The following DPY19L2 variants were observed in gnomAD, a reference collection of about 807,000 sequenced individuals.
DPY19L2 encodes probable C-mannosyltransferase DPY19L2.
DPY19L2 carries 34 observed loss-of-function variants against 97.9 expected under a neutral mutation model. The ratio of observed to expected loss-of-function variants is 0.35; its 90% CI spans 0.26 to 0.46. The LOEUF (loss-of-function observed/expected upper bound fraction) is 0.46, where lower values mean the gene tolerates loss of function less well. Among genes scored for constraint, DPY19L2 ranks in the 20% least tolerant of loss-of-function variants. The probability of loss-of-function intolerance (pLI) is 1.00; values close to 1 mark genes in which losing one functional copy is unlikely to be tolerated. For missense variants in DPY19L2, 623 were observed against 911.4 expected (o/e 0.68, Z 4.07); for synonymous variants, 230 against 307.9 (o/e 0.75, Z 2.65).
At chr12:63,585,999 T>C (rs1293400681) in intron 16 of DPY19L2, among the ~76,000 whole-genome samples, 1 of 152,142 alleles carries the variant, frequency 6.6e-6, no homozygotes, top group Non-Finnish European at 1.5e-5. Flanking sequence ...AGTGATGATA[T>C]TCTCTGAGAA....
At chr12:63,593,648 G>A (rs1021519875) in intron 16 of DPY19L2, among the ~76,000 whole-genome samples, 5 of 152,084 alleles carry the variant, frequency 3.3e-5, no homozygotes, top group African/African-American at 1.2e-4. Context: ...TGTGGGGTAG[G>A]GGGAGAGGGG....
At chr12:63,592,481 G>A (rs1328071143) in intron 16 of DPY19L2, among the ~76,000 whole-genome samples, 3 of 148,124 alleles carry the variant, frequency 2.0e-5, no homozygotes, top group African/African-American at 5.0e-5. Context: ...CAGAAATAAC[G>A]CCGCATATCT....
In DPY19L2 at chr12:63,592,292, C is replaced by A. The variant is rs1449374049; in HGVS notation, c.1580+1795G>T. Among the ~76,000 whole-genome samples, 658 of 151,238 alleles carry A rather than the reference C, an allele frequency of 4.4e-3. 8 individuals carry two copies. The highest frequency in any genetic ancestry group is 0.014 in the African/African-American group (559 of 41,230). ...TCACAGAATTGGAAAAAACTACTTT[C>A]AAGTTCATATGGAACCAAAAAAGAG... On this transcript the variant is annotated intron_variant, in intron 16 of 21. Transcript: ENST00000324472.
intron 7 of DPY19L2, among the ~76,000 whole-genome samples, chr12:63,624,732 G>A (rs527612895): frequency 7.2e-5 from 11 of 152,228 alleles, no homozygotes; most frequent in East Asian, 3.9e-4. Context: ...ATTTTCATAC[G>A]AACTTTAAAA....
chr12:63,626,322 C>A (rs1208226762), intron 7 of DPY19L2, 147 bp downstream of exon 7: 12 of 1,056,142 alleles, frequency 1.1e-5, no homozygotes, highest in Admixed American at 3.4e-5. Flanking sequence ...AATCAACATG[C>A]TTAAAATATC....
chr12:63,626,977 C>T (rs192901519), intron 6 of DPY19L2, among the ~76,000 whole-genome samples: 94 of 152,196 alleles, frequency 6.2e-4, no homozygotes, highest in African/African-American at 2.2e-3. Flanking sequence ...CAGGGTTTTA[C>T]CATGTTGGCT....
chr12:63,614,994 G>C (rs1209371348), intron 11 of DPY19L2, among the ~76,000 whole-genome samples: 2 of 152,052 alleles, frequency 1.3e-5, no homozygotes, highest in African/African-American at 4.8e-5. Flanking sequence ...GTACACAAGA[G>C]AGACCTGGAA....
At chr12:63,569,078 G>C in intron 21 of DPY19L2, 146 bp downstream of exon 21, 1 of 837,836 alleles carries the variant, frequency 1.2e-6, no homozygotes, top group South Asian at 2.9e-5. Flanking sequence ...TATGTCTCTA[G>C]ATGAAATAAT....
At chr12:63,667,007 T>A (rs1896412282) in intron 1 of DPY19L2, among the ~76,000 whole-genome samples, 1 of 152,166 alleles carries the variant, frequency 6.6e-6, no homozygotes, top group Non-Finnish European at 1.5e-5. Context: ...CCAGATCTTT[T>A]CCTATATTAC....
intron 6 of DPY19L2, among the ~76,000 whole-genome samples, chr12:63,639,140 T>C (rs1318828069): frequency 6.6e-6 from 1 of 152,166 alleles, no homozygotes; most frequent in African/African-American, 2.4e-5. Context: ...CTGGGAAAAC[T>C]GGCTAGCCAT....
intron 19 of DPY19L2, among the ~76,000 whole-genome samples, chr12:63,579,629 G>GA (rs1666111765): frequency 6.6e-6 from 1 of 152,092 alleles, no homozygotes; most frequent in Non-Finnish European, 1.5e-5. Context: ...AAAAGCTTGG[G>GA]AAAAATAGCT....
rs1895307956 is a variant in DPY19L2, at chr12:63,658,798, A to T, written c.588+2546T>A. Among the ~76,000 whole-genome samples, 2 of 152,182 alleles carry T rather than the reference A, an allele frequency of 1.3e-5. 1 individual carries two copies. Among genetic ancestry groups the T allele is most frequent in the African/African-American group, 4.8e-5 (2 of 41,448 alleles). ...CAACCGCATAAATTAAGACCTAGGCACAGATCAACTCTGTTTCTATTTCTA... is the reference window on the plus strand; with the variant it reads ...CAACCGCATAAATTAAGACCTAGGCTCAGATCAACTCTGTTTCTATTTCTA... On this transcript the variant is annotated intron_variant, in intron 4 of 21. Coordinates refer to ENST00000324472, the MANE Select transcript of DPY19L2 (RefSeq NM_173812.5).
At chr12:63,611,436 C>T (rs903149040) in intron 11 of DPY19L2, among the ~76,000 whole-genome samples, 1 of 151,722 alleles carries the variant, frequency 6.6e-6, no homozygotes, top group Non-Finnish European at 1.5e-5. Flanking sequence ...TAAGAAAACA[C>T]AGCCCCGATA....
intron 5 of DPY19L2, among the ~76,000 whole-genome samples, chr12:63,645,355 G>T (rs1317043433): frequency 6.6e-6 from 1 of 151,860 alleles, no homozygotes; most frequent in African/African-American, 2.4e-5. Flanking sequence ...TTTAATATTG[G>T]ACCACCTTAG....
Position 63,668,161 on chromosome 12 carries a change from A to G in DPY19L2, c.233T>C (p.Leu78Pro), listed in dbSNP as rs770731687. The change falls in exon 1 of 22, where the codon CTT becomes CCT. Residue 78 changes from leucine (L) to proline (P), a missense_variant. Transcript: ENST00000324472. Reference sequence around the variant, plus strand: ...ACGGACGAACTGGAAGGGGCCGAGAAGAAAGGTCTTGGCCACCACCTCTAG... The same window carrying G: ...ACGGACGAACTGGAAGGGGCCGAGAGGAAAGGTCTTGGCCACCACCTCTAG... ...LELEVVAKTF[L>P]LGPFQFVRNS... The G allele has an allele frequency of 6.2e-7, 1 of 1,613,962 alleles. No individual in the cohort carries two copies. The highest frequency in any genetic ancestry group is 1.7e-5 in the Admixed American group (1 of 60,010).
At chr12:63,607,041 G>C (rs1396392799) in intron 12 of DPY19L2, among the ~76,000 whole-genome samples, 2 of 152,054 alleles carry the variant, frequency 1.3e-5, no homozygotes, top group African/African-American at 2.4e-5. Flanking sequence ...ACCTAGGGAG[G>C]CTTAAAAAAC....
At chr12:63,640,429 G>T (rs1244891678) in intron 6 of DPY19L2, among the ~76,000 whole-genome samples, 1 of 152,128 alleles carries the variant, frequency 6.6e-6, no homozygotes, top group African/African-American at 2.4e-5. Context: ...GAAGGGGAAA[G>T]ATATCAATGT....
intron 16 of DPY19L2, among the ~76,000 whole-genome samples, chr12:63,587,977 A>T (rs1220359598): frequency 1.3e-5 from 2 of 152,186 alleles, no homozygotes; most frequent in Non-Finnish European, 2.9e-5. Flanking sequence ...GTAATGCTAC[A>T]CACATCATGG....
chr12:63,653,437 T>A (rs1894546650), intron 4 of DPY19L2, among the ~76,000 whole-genome samples: 1 of 152,016 alleles, frequency 6.6e-6, no homozygotes, highest in Non-Finnish European at 1.5e-5. Context: ...TGGTTGCCCA[T>A]CTCAGGAGGC....
Sources: gnomAD v4.1 joint callset for allele counts (sites outside exome capture counted in the v4.1 genomes callset) on GRCh38, gnomAD v4.1.1 for gene constraint, MANE v1.5 for transcripts, NCBI Gene and HGNC (gene_info 2026-07-23, HGNC 2026-07-21) for gene names.